KITLG: variants seen among roughly 807,000 people sequenced by gnomAD.
The protein encoded by KITLG is c-Kit ligand.
In KITLG, 13 loss-of-function variants were observed where a neutral mutation model predicts 34.1. The observed-to-expected ratio is 0.38, with a 90% CI of 0.25 to 0.61. The LOEUF is 0.61. KITLG is among the 20% of genes least tolerant of loss of function. The pLI, the probability that KITLG is intolerant of heterozygous loss-of-function variation, is 0.60. For synonymous variants in KITLG, 110 were observed against 104.0 expected (o/e 1.06, Z -0.35); for missense variants, 292 against 318.9 (o/e 0.92, Z 0.64).
At chr12:88,517,444 G>A (rs543355532) in intron 4 of KITLG, among the ~76,000 whole-genome samples, 1 of 152,040 alleles carries the variant, frequency 6.6e-6, no homozygotes, top group Non-Finnish European at 1.5e-5. Context: ...AAACAACTGA[G>A]AAATATAATT....
chr12:88,560,824 C>T (rs1478377748), intron 1 of KITLG, among the ~76,000 whole-genome samples: 3 of 151,620 alleles, frequency 2.0e-5, no homozygotes, highest in Admixed American at 6.6e-5. Context: ...AAAAATTAGC[C>T]GGGCATGGTG....
chr12:88,562,341 C>T (rs1285590030), intron 1 of KITLG, among the ~76,000 whole-genome samples: 1 of 152,218 alleles, frequency 6.6e-6, no homozygotes, highest in Non-Finnish European at 1.5e-5. Flanking sequence ...ATGTACAATT[C>T]AATCCTCAGC....
At position 88,553,960 on chromosome 12, in the gene KITLG, C is replaced by T. The variant is rs141868532; in HGVS notation, c.16-8095G>A. Among the ~76,000 whole-genome samples the T allele has an allele frequency of 2.3e-3, 353 of 152,268 alleles. 2 individuals carry two copies. The highest frequency in any genetic ancestry group is 0.014 in the Middle Eastern group (4 of 294). ...GGTTGAAGACCTCAAAGGCAAAGGT[C>T]TTGCTTAATTTTCATTTTTGTTGAG... On this transcript the variant is annotated intron_variant, in intron 1 of 9. Coordinates refer to ENST00000644744, the MANE Select transcript of KITLG (RefSeq NM_000899.5).
chr12:88,576,905 A>T (rs933170538), intron 1 of KITLG, among the ~76,000 whole-genome samples: 1 of 152,074 alleles, frequency 6.6e-6, no homozygotes, highest in African/African-American at 2.4e-5. Flanking sequence ...AAAAAATGTG[A>T]CCCAGAATTT....
intron 6 of KITLG, among the ~76,000 whole-genome samples, chr12:88,511,213 CTT>C (rs780545474): frequency 2.0e-5 from 3 of 152,186 alleles, no homozygotes; most frequent in Non-Finnish European, 4.4e-5. Flanking sequence ...GTAGGAAAGA[CTT>C]TTGTTTCCAA....
chr12:88,530,714 A>G (rs78127283), intron 3 of KITLG, among the ~76,000 whole-genome samples: 12,821 of 152,208 alleles, frequency 0.084, 571 homozygotes, highest in Non-Finnish European at 0.1. Context: ...ACTCAATAGG[A>G]TAGACATTGA....
intron 1 of KITLG, among the ~76,000 whole-genome samples, chr12:88,575,546 T>C (rs956712663): frequency 6.6e-5 from 10 of 152,208 alleles, no homozygotes; most frequent in African/African-American, 1.9e-4. Flanking sequence ...CACATCTTGC[T>C]GCATCTATAA....
At chr12:88,548,429 G>A (rs1020318439) in intron 1 of KITLG, among the ~76,000 whole-genome samples, 13 of 149,652 alleles carry the variant, frequency 8.7e-5, no homozygotes, top group Admixed American at 6.1e-4. Context: ...ACTCTAGCCT[G>A]GCGACAAAAG....
intron 1 of KITLG, among the ~76,000 whole-genome samples, chr12:88,547,883 T>C (rs970000987): frequency 6.6e-6 from 1 of 152,244 alleles, no homozygotes; most frequent in African/African-American, 2.4e-5. Flanking sequence ...CCAGGCATTG[T>C]CCTAGGTGCT....
At position 88,580,303 on chromosome 12, in the gene KITLG, G is replaced by C. The variant is rs1170374560; in HGVS notation, c.-25C>G. Reference sequence around the variant, plus strand: ...TAAGGAAAGGCAGCGCTGCGATCCAGCACAAACAGTGGTGTGGCGACTCCG... The same window carrying C: ...TAAGGAAAGGCAGCGCTGCGATCCACCACAAACAGTGGTGTGGCGACTCCG... On this transcript the variant is annotated 5_prime_UTR_variant, in exon 1 of 10. Coordinates refer to ENST00000644744, the MANE Select transcript of KITLG (RefSeq NM_000899.5). 9 of 1,610,596 alleles carry C rather than the reference G, an allele frequency of 5.6e-6. No individual in the cohort carries two copies. The highest frequency in any genetic ancestry group is 1.3e-5 in the African/African-American group (1 of 74,892).
At chr12:88,569,294 C>T (rs1488335050) in intron 1 of KITLG, among the ~76,000 whole-genome samples, 2 of 152,162 alleles carry the variant, frequency 1.3e-5, no homozygotes, top group Non-Finnish European at 2.9e-5. Flanking sequence ...TCTAATTATA[C>T]ACATTTTTCT....
intron 3 of KITLG, among the ~76,000 whole-genome samples, chr12:88,520,765 C>T (rs1869629056): frequency 6.6e-6 from 1 of 152,110 alleles, no homozygotes; most frequent in South Asian, 2.1e-4. Flanking sequence ...CTTACTGCCA[C>T]TTCTGTTGAT....
At chr12:88,558,145 C>T (rs987021025) in intron 1 of KITLG, among the ~76,000 whole-genome samples, 12 of 152,144 alleles carry the variant, frequency 7.9e-5, no homozygotes, top group Middle Eastern at 3.4e-3. Flanking sequence ...TTCCTAGAAC[C>T]TTTTTGTGTT....
intron 3 of KITLG, among the ~76,000 whole-genome samples, chr12:88,525,524 A>G (rs1451444220): frequency 6.6e-6 from 1 of 152,200 alleles, no homozygotes; most frequent in Non-Finnish European, 1.5e-5. Context: ...TAGTCAAAAT[A>G]TAGTAAAAAG....
intron 1 of KITLG, among the ~76,000 whole-genome samples, chr12:88,552,763 A>C (rs10777126): frequency 1.3e-5 from 2 of 149,270 alleles, no homozygotes; most frequent in African/African-American, 5.0e-5. Flanking sequence ...AGAAGAAATT[A>C]AAAAAAAAAA....
chr12:88,573,512 G>C (rs927838403), intron 1 of KITLG, among the ~76,000 whole-genome samples: 3 of 152,146 alleles, frequency 2.0e-5, no homozygotes, highest in Admixed American at 2.0e-4. Flanking sequence ...AGCCAATAAT[G>C]AGATGCAATT....
intron 1 of KITLG, among the ~76,000 whole-genome samples, chr12:88,573,569 T>C (rs1871727171): frequency 6.6e-6 from 1 of 152,142 alleles, no homozygotes. Flanking sequence ...GGTCCTCAGC[T>C]TTAGGGATTT....
chr12:88,533,041 TA>T (rs1436978809), intron 2 of KITLG, among the ~76,000 whole-genome samples: 1 of 152,054 alleles, frequency 6.6e-6, no homozygotes, highest in African/African-American at 2.4e-5. Context: ...ATGTTGAACC[TA>T]AAAAATGATC....
intron 1 of KITLG, among the ~76,000 whole-genome samples, chr12:88,568,685 T>G (rs1025114237): frequency 2.6e-5 from 4 of 152,296 alleles, no homozygotes; most frequent in South Asian, 4.1e-4. Context: ...TATAATTTAC[T>G]TCTTAAAATT....
Sources: allele counts gnomAD v4.1 joint callset (sites outside exome capture counted in the v4.1 genomes callset), GRCh38; gene constraint gnomAD v4.1.1; transcripts MANE v1.5; gene names NCBI Gene and HGNC (gene_info 2026-07-23, HGNC 2026-07-21).